Variants in FMN2 observed in about 807,000 individuals in gnomAD.
FMN2 encodes formin 2, also known as formin-2.
In FMN2, 51 loss-of-function variants were observed where a neutral mutation model predicts 142.3. The ratio of observed to expected loss-of-function variants is 0.36; its 90% CI spans 0.29 to 0.45. The LOEUF is 0.45. FMN2 is among the 20% of genes least tolerant of loss of function. The pLI, the probability that FMN2 is intolerant of heterozygous loss-of-function variation, is 1.00. For synonymous variants in FMN2, 882 were observed against 869.8 expected (o/e 1.01, Z -0.25); for missense variants, 1,936 against 2,122.8 (o/e 0.91, Z 1.73).
At chr1:240,112,847 G>T (rs1488850095) in intron 1 of FMN2, among the ~76,000 whole-genome samples, 3 of 152,122 alleles carry the variant, frequency 2.0e-5, no homozygotes, top group Non-Finnish European at 1.5e-5. Context: ...CGGGCCCTAG[G>T]GACTGACCTT....
intron 14 of FMN2, among the ~76,000 whole-genome samples, chr1:240,368,198 A>G (rs1672747012): frequency 6.6e-6 from 1 of 152,194 alleles, no homozygotes; most frequent in Admixed American, 6.5e-5. Flanking sequence ...CTTTAGATTT[A>G]TGCCTCCTCT....
chr1:240,258,511 A>G (rs1185916069), intron 7 of FMN2, among the ~76,000 whole-genome samples: 1 of 152,082 alleles, frequency 6.6e-6, no homozygotes, highest in African/African-American at 2.4e-5. Context: ...CACGCACGAG[A>G]ATTCTACCCT....
rs375618044 is a variant in FMN2, at chr1:240,392,627, G to A, written c.4910+65G>A. The A allele has an allele frequency of 1.4e-5, 18 of 1,289,142 alleles. No individual in the cohort carries two copies. In the East Asian group the frequency reaches 4.5e-4, roughly 32 times the overall value. The allele number at this position is 1,289,142 out of a possible 1,614,324, so 79.9% of individuals were successfully genotyped here. A position where few individuals can be genotyped will look rare whatever the true frequency, so the allele number is the denominator to read the frequency against. The stretch of plus-strand genomic sequence containing the variant: ...ACATGCTAAGTGTATTTCATCTTAA[G>A]GAACCAATTTTTAGTTCAATTTTAA... On this transcript the variant is annotated intron_variant, in intron 15 of 17. Coordinates refer to ENST00000319653, the MANE Select transcript of FMN2 (RefSeq NM_020066.5).
chr1:240,184,525 T>G (rs1019253157), intron 3 of FMN2, among the ~76,000 whole-genome samples: 10 of 151,198 alleles, frequency 6.6e-5, no homozygotes, highest in African/African-American at 2.2e-4. Flanking sequence ...CTGTTTTTTT[T>G]TTTTTTTTTT....
At chr1:240,288,722 G>A (rs750167751) in intron 7 of FMN2, among the ~76,000 whole-genome samples, 6 of 152,080 alleles carry the variant, frequency 3.9e-5, no homozygotes, top group Admixed American at 6.6e-5. Context: ...GCCCTGTCTC[G>A]TATGCCCTTT....
At chr1:240,407,170 C>T (rs1193401757) in intron 15 of FMN2, among the ~76,000 whole-genome samples, 1 of 151,300 alleles carries the variant, frequency 6.6e-6, no homozygotes, top group Non-Finnish European at 1.5e-5. Context: ...CCAAGTCTCG[C>T]TCTGTAGCCC....
chr1:240,234,093 C>T (rs1438249942), intron 6 of FMN2, among the ~76,000 whole-genome samples: 6 of 152,024 alleles, frequency 3.9e-5, no homozygotes, highest in Admixed American at 3.9e-4. Flanking sequence ...CATAGACAGC[C>T]GTGAGTTTAA....
At chr1:240,124,594 T>A (rs1183469045) in intron 2 of FMN2, among the ~76,000 whole-genome samples, 1 of 152,140 alleles carries the variant, frequency 6.6e-6, no homozygotes, top group Non-Finnish European at 1.5e-5. Flanking sequence ...AGAATTCTCG[T>A]GGATGAAATT....
chr1:240,368,493 T>C (rs1249544774), intron 14 of FMN2, among the ~76,000 whole-genome samples: 6 of 152,218 alleles, frequency 3.9e-5, no homozygotes, highest in Non-Finnish European at 7.4e-5. Flanking sequence ...GTAAACTGCA[T>C]TTACTCTATT....
At chr1:240,419,033 G>A (rs370335221) in intron 15 of FMN2, among the ~76,000 whole-genome samples, 53 of 152,270 alleles carry the variant, frequency 3.5e-4, no homozygotes, top group Admixed American at 3.9e-4. Flanking sequence ...GCTTGATCCC[G>A]CGAGGCGGAG....
At chr1:240,445,594 G>A (rs545192012) in intron 16 of FMN2, among the ~76,000 whole-genome samples, 10 of 152,226 alleles carry the variant, frequency 6.6e-5, no homozygotes, top group Admixed American at 5.2e-4. Context: ...AAAGATGGGG[G>A]CCATGCAATG....
chr1:240,332,796 T>C (rs1671424605), intron 11 of FMN2, among the ~76,000 whole-genome samples: 1 of 152,178 alleles, frequency 6.6e-6, no homozygotes, highest in Non-Finnish European at 1.5e-5. Flanking sequence ...TAGACCTCCA[T>C]GGACAGAGCT....
chr1:240,350,546 C>CT (rs1165621189), intron 13 of FMN2, among the ~76,000 whole-genome samples: 1 of 152,114 alleles, frequency 6.6e-6, no homozygotes, highest in Admixed American at 6.6e-5. Flanking sequence ...TAATTAACAG[C>CT]TTTTTTATTT....
chr1:240,210,484 C>A (rs1286847667), intron 5 of FMN2, among the ~76,000 whole-genome samples: 1 of 152,146 alleles, frequency 6.6e-6, no homozygotes, highest in Non-Finnish European at 1.5e-5. Flanking sequence ...GTGTTGTTAC[C>A]ACGCCACTTA....
chr1:240,216,884 G>A (rs1323161105), intron 6 of FMN2, among the ~76,000 whole-genome samples: 1 of 152,010 alleles, frequency 6.6e-6, no homozygotes, highest in African/African-American at 2.4e-5. Flanking sequence ...GGGAGGCGGA[G>A]GTTGCAGTGA....
Position 240,181,924 on chromosome 1 carries a change from C to T in FMN2, c.1930+3856C>T, listed in dbSNP as rs187167037. Reference sequence around the variant, plus strand: ...GTCCCATGACATCCTATTCATCTCTCTGTCATCTGAATGCTTTACGTATTG... The same window carrying T: ...GTCCCATGACATCCTATTCATCTCTTTGTCATCTGAATGCTTTACGTATTG... On this transcript the variant is annotated intron_variant, in intron 3 of 17. Transcript: ENST00000319653. 3.0e-3 allele frequency among the ~76,000 whole-genome samples: 461 copies of T among 152,340 alleles called. 1 individual carries two copies. Among genetic ancestry groups the T allele is most frequent in the Non-Finnish European group, 4.7e-3 (323 of 68,030 alleles).
chr1:240,353,810 A>C (rs1194592628), intron 13 of FMN2, among the ~76,000 whole-genome samples: 1 of 152,136 alleles, frequency 6.6e-6, no homozygotes. Flanking sequence ...GACAGCCTTA[A>C]CTCTGTATGC....
At chr1:240,350,958 T>A (rs951235899) in intron 13 of FMN2, among the ~76,000 whole-genome samples, 16 of 152,068 alleles carry the variant, frequency 1.1e-4, no homozygotes, top group African/African-American at 3.9e-4. Context: ...ATGAAATTAT[T>A]TATTCATTCC....
In FMN2 at chr1:240,144,752, A is replaced by G. The variant is rs1055509686; in HGVS notation, c.1782+21407A>G. 10 of 1,352,094 alleles carry G rather than the reference A, an allele frequency of 7.4e-6. No individual in the cohort carries two copies. The Admixed American group carries it at 1.0e-4, about 14-fold the overall frequency. The allele number at this position is 1,352,094 out of a possible 1,614,324, so 83.8% of individuals were successfully genotyped here. A position where few individuals can be genotyped will look rare whatever the true frequency, so the allele number is the denominator to read the frequency against. ...CAGCATGTCCACCTGCTCAATTTCCATAAGGTCACAGGCCTCATGCTCTGC... is the reference window on the plus strand; with the variant it reads ...CAGCATGTCCACCTGCTCAATTTCCGTAAGGTCACAGGCCTCATGCTCTGC... On this transcript the variant is annotated intron_variant, in intron 2 of 17. Coordinates refer to ENST00000319653, the MANE Select transcript of FMN2 (RefSeq NM_020066.5).
Sources: gnomAD v4.1 joint callset for allele counts (sites outside exome capture counted in the v4.1 genomes callset) on GRCh38, gnomAD v4.1.1 for gene constraint, MANE v1.5 for transcripts, NCBI Gene and HGNC (gene_info 2026-07-23, HGNC 2026-07-21) for gene names.